GPC3: variants seen among roughly 807,000 people sequenced by gnomAD.
The protein encoded by GPC3 is glypican-3.
GPC3 carries 3 observed loss-of-function variants against 34.4 expected under a neutral mutation model. The observed-to-expected ratio is 0.09, with a 90% CI of 0.04 to 0.23. GPC3 has a LOEUF of 0.23. Ranked by LOEUF, GPC3 falls within the 10% of genes least tolerant of loss-of-function variation. GPC3 has a pLI of 1.00. For missense variants in GPC3, 351 were observed against 445.6 expected, an observed-to-expected ratio of 0.79 and a Z score of 1.91; for synonymous variants, 177 against 174.0, an observed-to-expected ratio of 1.02 and a Z score of -0.13.
intron 7 of GPC3, among the ~76,000 whole-genome samples, chrX:133,575,842 T>A (rs764414956): frequency 3.6e-5 from 4 of 111,429 alleles, no homozygotes; most frequent in Non-Finnish European, 5.6e-5. Context: ...TGCTCTTCAA[T>A]CCCTCCTTTT....
At chrX:133,597,963 T>C (rs1014448331) in intron 6 of GPC3, among the ~76,000 whole-genome samples, 1 of 111,230 alleles carries the variant, frequency 9.0e-6, no homozygotes, top group African/African-American at 3.3e-5. Context: ...AGATTAGTGG[T>C]TCTCAAACTT....
At chrX:133,802,049 C>T (rs971143886) in intron 2 of GPC3, among the ~76,000 whole-genome samples, 1 of 112,101 alleles carries the variant, frequency 8.9e-6, no homozygotes, top group Non-Finnish European at 1.9e-5. Context: ...TAATTATAAA[C>T]TCTAACAGTC....
At chrX:133,809,427 G>A (rs181128833) in intron 2 of GPC3, among the ~76,000 whole-genome samples, 86 of 111,284 alleles carry the variant, frequency 7.7e-4, no homozygotes, top group African/African-American at 2.7e-3. Context: ...AAAGCAGGGA[G>A]GACAGTGAGA....
intron 3 of GPC3, among the ~76,000 whole-genome samples, chrX:133,713,664 A>C (rs1398979319): frequency 8.9e-6 from 1 of 112,055 alleles, no homozygotes; most frequent in Non-Finnish European, 1.9e-5. Context: ...TCTTATTCAA[A>C]CTCAAGTATT....
At chrX:133,653,094 T>C (rs1055714062) in intron 6 of GPC3, among the ~76,000 whole-genome samples, 4 of 112,109 alleles carry the variant, frequency 3.6e-5, no homozygotes, top group Non-Finnish European at 5.6e-5. Context: ...ATTATAGATA[T>C]TTAGTACCTT....
At position 133,753,926 on chromosome X, in the gene GPC3, C is replaced by T. The variant is rs2124480503; in HGVS notation, c.588G>A (p.Glu196=). 3 of 1,211,401 alleles carry T rather than the reference C, an allele frequency of 2.5e-6. No homozygotes were observed. Among genetic ancestry groups the T allele is most frequent in the Non-Finnish European group, 3.4e-6 (3 of 895,116 alleles). ...GGTCACGTCTTGCTCCTCGGAGGCA[C>T]TCATTGATGTCCAAGGCTGAATCAG... ...GLPDSALDIN[E]CLRGARRDLK... is the part of the protein sequence containing the mutation. Residue 196 remains glutamate, a synonymous_variant, in exon 3 of 8, where the codon GAG becomes GAA. Transcript: ENST00000370818.
At chrX:133,884,777 A>G (rs1347353850) in intron 2 of GPC3, among the ~76,000 whole-genome samples, 1 of 112,006 alleles carries the variant, frequency 8.9e-6, no homozygotes, top group Non-Finnish European at 1.9e-5. Context: ...TGACAGTCCA[A>G]TCAATGTTCA....
chrX:133,932,566 G>C (rs1169908695), intron 2 of GPC3, among the ~76,000 whole-genome samples: 1 of 111,555 alleles, frequency 9.0e-6, no homozygotes, highest in Non-Finnish European at 1.9e-5. Flanking sequence ...AAATAACTGA[G>C]ACTGCTTATT....
chrX:133,763,879 A>G (rs749985745), intron 2 of GPC3, among the ~76,000 whole-genome samples: 1 of 112,353 alleles, frequency 8.9e-6, no homozygotes, highest in East Asian at 2.8e-4. Flanking sequence ...TCAAAGAACT[A>G]AGAGTTGAAC....
At chrX:133,618,330 C>T (rs190868111) in intron 6 of GPC3, among the ~76,000 whole-genome samples, 9 of 111,166 alleles carry the variant, frequency 8.1e-5, no homozygotes, top group African/African-American at 2.3e-4. Context: ...TTTCTTAAAC[C>T]GTCTGGATAC....
At chrX:133,876,796 T>C (rs779489114) in intron 2 of GPC3, among the ~76,000 whole-genome samples, 50 of 112,097 alleles carry the variant, frequency 4.5e-4, no homozygotes, top group Non-Finnish European at 6.4e-4. Flanking sequence ...TTATGTTTCA[T>C]TGGAGGAAAT....
chrX:133,929,511 C>T (rs2076289331), intron 2 of GPC3, among the ~76,000 whole-genome samples: 1 of 111,842 alleles, frequency 8.9e-6, no homozygotes, highest in African/African-American at 3.3e-5. Context: ...GCTTAGCTTC[C>T]CTGCTTTCCT....
At chrX:133,587,397 C>T (rs934721970) in intron 7 of GPC3, among the ~76,000 whole-genome samples, 9 of 111,936 alleles carry the variant, frequency 8.0e-5, no homozygotes, top group African/African-American at 2.9e-4. Context: ...AATAGTGTTG[C>T]ACTAAACATG....
At position 133,903,203 on chromosome X, in the gene GPC3, T is replaced by A. The variant is rs147141019; in HGVS notation, c.337+49847A>T. ...TGGCTTTATCATAGTGTCCTCTACA[T>A]AACCATTCCCCTATGTTCAGACATT... On this transcript the variant is annotated intron_variant, in intron 2 of 7. Coordinates refer to ENST00000370818, the MANE Select transcript of GPC3 (RefSeq NM_004484.4). Among the ~76,000 whole-genome samples the A allele has an allele frequency of 8.5e-3, 946 of 111,159 alleles. 18 individuals carry two copies. The highest frequency in any genetic ancestry group is 0.03 in the African/African-American group (906 of 30,545).
At chrX:133,620,219 C>CAAA (rs34399470) in intron 6 of GPC3, among the ~76,000 whole-genome samples, 4 of 41,920 alleles carry the variant, frequency 9.5e-5, no homozygotes, top group Non-Finnish European at 9.5e-5. Flanking sequence ...GACTCTGTCT[C>CAAA]AAAAAAAAAA....
At chrX:133,702,866 T>C (rs898601840) in intron 3 of GPC3, among the ~76,000 whole-genome samples, 2 of 112,147 alleles carry the variant, frequency 1.8e-5, no homozygotes, top group African/African-American at 3.2e-5. Context: ...AGCAAATTCT[T>C]CTCATATACA....
At chrX:133,567,236 T>C (rs1482713668) in intron 7 of GPC3, among the ~76,000 whole-genome samples, 1 of 112,161 alleles carries the variant, frequency 8.9e-6, no homozygotes, top group African/African-American at 3.2e-5. Context: ...TCCTAGGGTG[T>C]TCAAGGTTAA....
chrX:133,625,174 T>TAAGAGCTATTGATGGC (rs1414110424), intron 6 of GPC3, among the ~76,000 whole-genome samples: 1 of 111,593 alleles, frequency 9.0e-6, no homozygotes, highest in African/African-American at 3.3e-5. Context: ...CTCAAAATAA[T>TAAGAGCTATTGATGGC]AAGAGCTATT....
At chrX:133,610,333 G>C (rs1337744741) in intron 6 of GPC3, among the ~76,000 whole-genome samples, 1 of 110,950 alleles carries the variant, frequency 9.0e-6, no homozygotes, top group Non-Finnish European at 1.9e-5. Context: ...GATGATGGTG[G>C]TGATAGAGTG....
Sources: allele counts gnomAD v4.1 joint callset (sites outside exome capture counted in the v4.1 genomes callset), GRCh38; gene constraint gnomAD v4.1.1; transcripts MANE v1.5; gene names NCBI Gene and HGNC (gene_info 2026-07-23, HGNC 2026-07-21).